PXDNL: variants seen among roughly 807,000 people sequenced by gnomAD.
PXDNL encodes the protein probable oxidoreductase PXDNL.
In PXDNL, 145 loss-of-function variants were observed where a neutral mutation model predicts 150.8. The observed-to-expected ratio is 0.96, with a 90% CI of 0.84 to 1.10. PXDNL has a LOEUF of 1.10. PXDNL is among the 50% of genes least tolerant of loss of function. The probability of loss-of-function intolerance (pLI) is 0.00; values close to 1 mark genes in which losing one functional copy is unlikely to be tolerated. For missense variants in PXDNL, 2,087 were observed against 1,873.9 expected, an observed-to-expected ratio of 1.11 and a Z score of -2.10; for synonymous variants, 757 against 725.7, an observed-to-expected ratio of 1.04 and a Z score of -0.69.
chr8:51,630,352 T>C (rs1814464346), intron 2 of PXDNL, among the ~76,000 whole-genome samples: 1 of 151,980 alleles, frequency 6.6e-6, no homozygotes, highest in African/African-American at 2.4e-5. Context: ...ACCTAGAAAA[T>C]ATGATTCTGG....
chr8:51,400,408 T>C (rs980727074), intron 17 of PXDNL, among the ~76,000 whole-genome samples: 3 of 152,230 alleles, frequency 2.0e-5, no homozygotes, highest in Non-Finnish European at 4.4e-5. Flanking sequence ...TCAGGAATTT[T>C]GAATTTTTGG....
At chr8:51,551,421 C>CTA (rs1385989246) in intron 4 of PXDNL, among the ~76,000 whole-genome samples, 1 of 152,100 alleles carries the variant, frequency 6.6e-6, no homozygotes, top group Non-Finnish European at 1.5e-5. Flanking sequence ...TGACTATAAA[C>CTA]TATACTACAA....
intron 19 of PXDNL, among the ~76,000 whole-genome samples, chr8:51,370,351 C>T (rs1310536273): frequency 6.6e-6 from 1 of 152,190 alleles, no homozygotes; most frequent in East Asian, 1.9e-4. Flanking sequence ...CTATCTCTCC[C>T]TCTGCTCAGC....
At chr8:51,576,387 T>C (rs145408701) in intron 3 of PXDNL, among the ~76,000 whole-genome samples, 18 of 151,678 alleles carry the variant, frequency 1.2e-4, no homozygotes, top group African/African-American at 4.3e-4. Context: ...CAGGAGAATA[T>C]CTAAACACTT....
At chr8:51,427,423 G>A (rs1178988232) in intron 12 of PXDNL, among the ~76,000 whole-genome samples, 2 of 151,392 alleles carry the variant, frequency 1.3e-5, no homozygotes, top group Non-Finnish European at 2.9e-5. Flanking sequence ...ATCAAAACCA[G>A]AAGATAACTA....
intron 1 of PXDNL, among the ~76,000 whole-genome samples, chr8:51,694,847 C>G (rs1425632974): frequency 1.3e-5 from 2 of 152,178 alleles, no homozygotes; most frequent in East Asian, 3.8e-4. Context: ...TTTATGAAAT[C>G]TACATACATC....
Position 51,633,767 on chromosome 8 carries a change from C to T in PXDNL, c.236+20922G>A, listed in dbSNP as rs190566242. Among the ~76,000 whole-genome samples the T allele has an allele frequency of 2.6e-5, 4 of 151,902 alleles. No homozygotes were observed. In the South Asian group the frequency reaches 6.3e-4, roughly 24 times the overall value. On this transcript the variant is annotated intron_variant, in intron 2 of 22. Coordinates refer to ENST00000356297, the MANE Select transcript of PXDNL (RefSeq NM_144651.5). ...AGCATTTTTTCATATGTTTGTTGGC[C>T]GCTTGTATGTCTTTCTTTGAGAAGT...
chr8:51,753,974 T>G (rs924881957), intron 1 of PXDNL, among the ~76,000 whole-genome samples: 45 of 152,216 alleles, frequency 3.0e-4, no homozygotes, highest in African/African-American at 1.1e-3. Flanking sequence ...GTATCTCGAT[T>G]ATCAAGCCAC....
At chr8:51,580,091 T>C (rs1341756166) in intron 3 of PXDNL, among the ~76,000 whole-genome samples, 1 of 152,012 alleles carries the variant, frequency 6.6e-6, no homozygotes, top group African/African-American at 2.4e-5. Context: ...TCCATTTAAA[T>C]AACATTTTTA....
At chr8:51,427,529 T>C (rs1439153299) in intron 12 of PXDNL, among the ~76,000 whole-genome samples, 2 of 152,128 alleles carry the variant, frequency 1.3e-5, no homozygotes, top group African/African-American at 4.8e-5. Context: ...TTTATCAATA[T>C]GAAAAGGTTT....
intron 18 of PXDNL, among the ~76,000 whole-genome samples, chr8:51,373,032 A>C (rs1477413992): frequency 1.3e-5 from 2 of 152,194 alleles, no homozygotes; most frequent in Non-Finnish European, 2.9e-5. Flanking sequence ...CACTATCTTG[A>C]TGTTATGGAC....
In PXDNL at chr8:51,409,323, G is replaced by A; in HGVS notation, c.2301C>T (p.Leu767=). 7.0e-7 allele frequency: 1 copy of A among 1,432,236 alleles called. No individual in the cohort carries two copies. Among genetic ancestry groups the A allele is most frequent in the African/African-American group, 1.5e-5 (1 of 67,102 alleles). The allele number at this position is 1,432,236 out of a possible 1,614,324, so 88.7% of individuals were successfully genotyped here. Residue 767 remains leucine (L), a synonymous_variant, in exon 17 of 23, where the codon CTC becomes CTT. Coordinates refer to ENST00000356297, the MANE Select transcript of PXDNL (RefSeq NM_144651.5). ...GCTGGCGGGAGCCCACAGGAAGGCC[G>A]AGCCCGCGGGGCGCGCGGATGCCGT... The part of the protein sequence containing the change: ...YRDGIRAPRG[L]GLPVGSRQPL...
chr8:51,747,046 A>G (rs186954581), intron 1 of PXDNL, among the ~76,000 whole-genome samples: 18 of 152,374 alleles, frequency 1.2e-4, no homozygotes, highest in Middle Eastern at 3.4e-3. Context: ...TACAGTTAAC[A>G]AAGCTATCAA....
chr8:51,335,019 G>A (rs947766655), intron 21 of PXDNL, among the ~76,000 whole-genome samples: 1 of 152,168 alleles, frequency 6.6e-6, no homozygotes, highest in Non-Finnish European at 1.5e-5. Flanking sequence ...TTTTAAGAAA[G>A]CCTCTGGAGT....
intron 1 of PXDNL, among the ~76,000 whole-genome samples, chr8:51,769,865 A>G (rs868369805): frequency 6.6e-6 from 1 of 152,338 alleles, no homozygotes; most frequent in African/African-American, 2.4e-5. Flanking sequence ...TTTTCCAGGA[A>G]CTTGGAGTCA....
chr8:51,370,929 A>G (rs1173117501), intron 19 of PXDNL, among the ~76,000 whole-genome samples: 1 of 152,138 alleles, frequency 6.6e-6, no homozygotes, highest in Non-Finnish European at 1.5e-5. Context: ...AGTGGCTTTC[A>G]ATTTCCTCCC....
chr8:51,374,648 G>T lies in PXDNL; in HGVS notation c.3641C>A (p.Thr1214Lys), dbSNP rs1166784187. 1 of 1,613,914 alleles carries T rather than the reference G, an allele frequency of 6.2e-7. No homozygotes were observed. ...CTGGGTAACAAACAGGCACATAAGTGTTGGTCCCACTCTTGTACCAGGAAT... is the reference window on the plus strand; with the variant it reads ...CTGGGTAACAAACAGGCACATAAGTTTTGGTCCCACTCTTGTACCAGGAAT... ...DLIPGTRVGP[T>K]LMCLFVTQFQ... is the part of the protein sequence containing the mutation. Residue 1214 changes from threonine (T) to lysine (K), a missense_variant, in exon 18 of 23, where the codon ACA (threonine) becomes AAA (lysine). By Grantham distance (78) the Thr-to-Lys change is moderately conservative. Transcript: ENST00000356297.
chr8:51,564,416 T>TA (rs1176636691), intron 3 of PXDNL, among the ~76,000 whole-genome samples: 1 of 151,872 alleles, frequency 6.6e-6, no homozygotes, highest in Non-Finnish European at 1.5e-5. Flanking sequence ...GTTTGTTACA[T>TA]ACGTAAATTT....
At position 51,483,626 on chromosome 8, in the gene PXDNL, C is replaced by T. The variant is rs897721650; in HGVS notation, c.524+17G>A. On this transcript the variant is annotated intron_variant, in intron 6 of 22. Coordinates refer to ENST00000356297, the MANE Select transcript of PXDNL (RefSeq NM_144651.5). ...ATTATAAAAGGTTTTTGTGTTAATGCACTTGCTTTCACTTACAATCTTTTT... is the reference window on the plus strand; with the variant it reads ...ATTATAAAAGGTTTTTGTGTTAATGTACTTGCTTTCACTTACAATCTTTTT... The T allele has an allele frequency of 6.9e-7, 1 of 1,440,462 alleles. No individual in the cohort carries two copies. The highest frequency in any genetic ancestry group is 9.5e-7 in the Non-Finnish European group (1 of 1,051,678). The allele number at this position is 1,440,462 out of a possible 1,614,324, so 89.2% of individuals were successfully genotyped here.
Sources: gnomAD v4.1 joint callset for allele counts (sites outside exome capture counted in the v4.1 genomes callset) on GRCh38, gnomAD v4.1.1 for gene constraint, MANE v1.5 for transcripts, NCBI Gene and HGNC (gene_info 2026-07-23, HGNC 2026-07-21) for gene names.